KCNIP3: variants seen among roughly 807,000 people sequenced by gnomAD.
KCNIP3 encodes the protein potassium voltage-gated channel interacting protein 3.
KCNIP3 carries 28 observed loss-of-function variants against 35.0 expected under a neutral mutation model. The observed-to-expected ratio is 0.80, with a 90% CI of 0.59 to 1.10. The LOEUF (loss-of-function observed/expected upper bound fraction) is 1.10, where lower values mean the gene tolerates loss of function less well. Among genes scored for constraint, KCNIP3 ranks in the 50% least tolerant of loss-of-function variants. The pLI is 0.00. For synonymous variants in KCNIP3, 134 were observed against 133.8 expected, an observed-to-expected ratio of 1.00 and a Z score of -0.01; for missense variants, 295 against 338.4, an observed-to-expected ratio of 0.87 and a Z score of 1.01.
intron 2 of KCNIP3, among the ~76,000 whole-genome samples, chr2:95,316,025 T>C (rs531377350): frequency 6.6e-6 from 1 of 152,364 alleles, no homozygotes; most frequent in African/African-American, 2.4e-5. Context: ...TCTGTCTCTC[T>C]CACCATCAGG....
chr2:95,337,225 CG>C, intron 2 of KCNIP3, among the ~76,000 whole-genome samples: 2 of 152,180 alleles, frequency 1.3e-5, no homozygotes, highest in South Asian at 4.2e-4. Context: ...AAGTAAACTG[CG>C]GGGTCCATTC....
At chr2:95,297,545 T>A in intron 1 of KCNIP3, 92 bp downstream of exon 1, 1 of 1,018,610 alleles carries the variant, frequency 9.8e-7, no homozygotes, top group Non-Finnish European at 1.4e-6. Flanking sequence ...GGAAGCCTTT[T>A]TCTTTGACCC....
chr2:95,361,947 C>T (rs1163659336), intron 2 of KCNIP3, among the ~76,000 whole-genome samples: 1 of 152,152 alleles, frequency 6.6e-6, no homozygotes, highest in Non-Finnish European at 1.5e-5. Flanking sequence ...TATTTTCTCC[C>T]AGCTCTGGAA....
intron 2 of KCNIP3, among the ~76,000 whole-genome samples, chr2:95,336,296 C>T (rs1679057811): frequency 6.6e-6 from 1 of 152,352 alleles, no homozygotes; most frequent in East Asian, 1.9e-4. Flanking sequence ...TCCCCAGCTT[C>T]CACAACTATA....
chr2:95,356,206 T>G (rs1558772823), intron 2 of KCNIP3, among the ~76,000 whole-genome samples: 1 of 152,210 alleles, frequency 6.6e-6, no homozygotes, highest in Non-Finnish European at 1.5e-5. Context: ...TGTTTTTTTT[T>G]CTTGTAAATT....
intron 2 of KCNIP3, chr2:95,347,071 T>C: frequency 6.2e-7 from 1 of 1,611,912 alleles, no homozygotes; most frequent in Non-Finnish European, 8.5e-7. Context: ...GGTGCTGCTG[T>C]TCATCGCCGT....
intron 8 of KCNIP3, 73 bp downstream of exon 8, chr2:95,383,367 C>T: frequency 6.9e-7 from 1 of 1,450,854 alleles, no homozygotes. Flanking sequence ...GCAGCGTCTG[C>T]CCCTTCCCTC....
intron 2 of KCNIP3, among the ~76,000 whole-genome samples, chr2:95,367,088 C>T (rs902820453): frequency 6.6e-6 from 1 of 152,094 alleles, no homozygotes; most frequent in Non-Finnish European, 1.5e-5. Flanking sequence ...GCCTCGCCAA[C>T]ATGGTGAAAT....
chr2:95,311,897 C>T (rs1320986711), intron 2 of KCNIP3: 1 of 152,230 alleles, frequency 6.6e-6, no homozygotes, highest in Non-Finnish European at 1.5e-5. Flanking sequence ...TTGCAGGTAG[C>T]AGAAACATGA....
chr2:95,310,033 G>A (rs1159489399), intron 1 of KCNIP3, among the ~76,000 whole-genome samples: 2 of 152,252 alleles, frequency 1.3e-5, no homozygotes, highest in Non-Finnish European at 2.9e-5. Context: ...GGGCTGTCCA[G>A]CTCCGACAAC....
At chr2:95,325,264 G>T (rs1268925564) in intron 2 of KCNIP3, among the ~76,000 whole-genome samples, 1 of 152,194 alleles carries the variant, frequency 6.6e-6, no homozygotes, top group African/African-American at 2.4e-5. Flanking sequence ...ACTGGAGTGG[G>T]GCCTGGCGGA....
chr2:95,367,958 C>G (rs549283890), intron 2 of KCNIP3, among the ~76,000 whole-genome samples: 2 of 152,088 alleles, frequency 1.3e-5, no homozygotes, highest in Non-Finnish European at 2.9e-5. Context: ...GACAGGGTTT[C>G]GCCATGTTGG....
At chr2:95,352,774 G>A (rs1288612347) in intron 2 of KCNIP3, among the ~76,000 whole-genome samples, 2 of 151,994 alleles carry the variant, frequency 1.3e-5, no homozygotes, top group East Asian at 3.9e-4. Context: ...TGGCCAGGGG[G>A]CCAGCCAGGG....
intron 1 of KCNIP3, 82 bp from the exon 2 acceptor site, chr2:95,310,273 G>A: frequency 6.5e-7 from 1 of 1,535,138 alleles, no homozygotes; most frequent in South Asian, 1.1e-5. Context: ...GCCTCATCTA[G>A]GATATCAGGG....
intron 1 of KCNIP3, among the ~76,000 whole-genome samples, chr2:95,300,578 GGGGGAGGGCA>G: frequency 4.1e-5 from 1 of 24,282 alleles, no homozygotes; most frequent in African/African-American, 1.3e-4. Context: ...CCTGAGAGTC[GGGGGAGGGCA>G]CAGCATGGGG....
chr2:95,384,168 C>CGACA lies in KCNIP3; in HGVS notation c.*119_*120insGACA. On this transcript the variant is annotated 3_prime_UTR_variant, in exon 9 of 9. Coordinates refer to ENST00000295225, the MANE Select transcript of KCNIP3 (RefSeq NM_013434.5). ...AGATTTGCAAAAAGTGAACAGATTG[C>CGACA]TACACACACACACACACACACACAC... The CGACA allele has an allele frequency of 4.3e-6, 2 of 465,622 alleles. No homozygotes were observed. 28.8% of individuals were successfully genotyped at this position (465,622 alleles called of 1,614,324 possible).
intron 2 of KCNIP3, among the ~76,000 whole-genome samples, chr2:95,352,911 A>C (rs1228674265): frequency 6.6e-6 from 1 of 152,230 alleles, no homozygotes. Flanking sequence ...GTCACCCTGC[A>C]GGAGGCCTCC....
chr2:95,334,354 TATGCAGGGTGGGCAGGGGTTAA>T lies in KCNIP3; in HGVS notation c.181+23835_181+23856del, dbSNP rs1166900302. Among the ~76,000 whole-genome samples the T allele has an allele frequency of 6.6e-3, 1,007 of 152,240 alleles. 17 individuals carry two copies. The highest frequency in any genetic ancestry group is 0.023 in the African/African-American group (938 of 41,542). ...TGTGTGCACCTGGTTCTCATGACAATATGCAGGGTGGGCAGGGGTTAAGGAATGCTTCCCCACTTTGGGGATG... is the reference window on the plus strand; with the variant it reads ...TGTGTGCACCTGGTTCTCATGACAATGGAATGCTTCCCCACTTTGGGGATG... On this transcript the variant is annotated intron_variant, in intron 2 of 8. Transcript: ENST00000295225.
chr2:95,325,012 C>T (rs1182474587), intron 2 of KCNIP3, among the ~76,000 whole-genome samples: 1 of 152,180 alleles, frequency 6.6e-6, no homozygotes, highest in Non-Finnish European at 1.5e-5. Context: ...CTGGCTGAGG[C>T]TGGGCTGGGA....
Sources: gnomAD v4.1 joint callset for allele counts (sites outside exome capture counted in the v4.1 genomes callset) on GRCh38, gnomAD v4.1.1 for gene constraint, MANE v1.5 for transcripts, NCBI Gene and HGNC (gene_info 2026-07-23, HGNC 2026-07-21) for gene names.